Variants in CDKAL1 observed in about 807,000 individuals in gnomAD.
CDKAL1 encodes CDKAL1 threonylcarbamoyladenosine tRNA methylthiotransferase.
Under a neutral mutation model 68.2 loss-of-function variants are expected in CDKAL1, and 32 were observed. The observed-to-expected ratio is 0.47, with a 90% CI of 0.35 to 0.63. The LOEUF is 0.63. Among genes scored for constraint, CDKAL1 ranks in the 30% least tolerant of loss-of-function variants. CDKAL1 has a pLI of 0.00. For missense variants in CDKAL1, 606 were observed against 696.7 expected, an observed-to-expected ratio of 0.87 and a Z score of 1.47; for synonymous variants, 234 against 244.3, an observed-to-expected ratio of 0.96 and a Z score of 0.39.
intron 9 of CDKAL1, among the ~76,000 whole-genome samples, chr6:20,946,593 C>CTTTTT (rs11361870): frequency 2.2e-5 from 2 of 91,232 alleles, no homozygotes; most frequent in African/African-American, 4.1e-5. Context: ...CAATCCATAC[C>CTTTTT]TTTTTTTTTT....
chr6:20,998,949 G>T (rs571253997), intron 10 of CDKAL1, among the ~76,000 whole-genome samples: 1 of 152,198 alleles, frequency 6.6e-6, no homozygotes, highest in African/African-American at 2.4e-5. Context: ...TCAATGAAAA[G>T]AAAATGGAGA....
rs565878622 is a variant in CDKAL1, at chr6:20,957,501, GAGTGATAACA to G, written c.909+1920_909+1929del. Among the ~76,000 whole-genome samples, 5 of 152,278 alleles carry G rather than the reference GAGTGATAACA, an allele frequency of 3.3e-5. No individual in the cohort carries two copies. The South Asian group carries it at 1.0e-3, about 32-fold the overall frequency. On this transcript the variant is annotated intron_variant, in intron 10 of 15. Transcript: ENST00000274695. ...ATGTTTAGTTCCTAGATCGTAGTTG[GAGTGATAACA>G]AGTTTTGATGGTCATGACATTATAT...
chr6:20,723,878 C>T (rs1452253225), intron 5 of CDKAL1, among the ~76,000 whole-genome samples: 1 of 152,132 alleles, frequency 6.6e-6, no homozygotes, highest in African/African-American at 2.4e-5. Flanking sequence ...GCTAAGGAGA[C>T]ACCATTCCAG....
chr6:20,970,805 G>A (rs972754856), intron 10 of CDKAL1, among the ~76,000 whole-genome samples: 1 of 152,142 alleles, frequency 6.6e-6, no homozygotes, highest in Non-Finnish European at 1.5e-5. Flanking sequence ...TAGATAGACT[G>A]AATCTTGCCT....
At position 21,211,659 on chromosome 6, in the gene CDKAL1, A is replaced by G. The variant is rs142447387; in HGVS notation, c.1548+10385A>G. On this transcript the variant is annotated intron_variant, in intron 15 of 15. Coordinates refer to ENST00000274695, the MANE Select transcript of CDKAL1 (RefSeq NM_017774.3). ...CCAGAACATCCACATGGCCCTGTCT[A>G]ACTACAAGAGTCTAGAAAATACCTA... is the stretch of plus-strand genomic sequence containing the variant. 5.4e-3 allele frequency among the ~76,000 whole-genome samples: 824 copies of G among 152,334 alleles called. 4 individuals carry two copies. Among genetic ancestry groups the G allele is most frequent in the African/African-American group, 0.017 (724 of 41,576 alleles).
chr6:21,072,984 G>C lies in CDKAL1; in HGVS notation c.1236+7756G>C, dbSNP rs535643204. On this transcript the variant is annotated intron_variant, in intron 12 of 15. Transcript: ENST00000274695. ...CTCCAAAATCCTGTGTTCTCTGCTTGTTCATCCCTCTCTTCCCCAAACCCC... is the reference window on the plus strand; with the variant it reads ...CTCCAAAATCCTGTGTTCTCTGCTTCTTCATCCCTCTCTTCCCCAAACCCC... Among the ~76,000 whole-genome samples the C allele has an allele frequency of 2.6e-5, 4 of 152,136 alleles. No homozygotes were observed. The East Asian group carries it at 5.8e-4, about 22-fold the overall frequency.
chr6:20,825,273 A>G (rs4712555), intron 8 of CDKAL1, among the ~76,000 whole-genome samples: 46,930 of 151,806 alleles, frequency 0.31, 7,565 homozygotes, highest in East Asian at 0.53. Flanking sequence ...TATATGCTCT[A>G]TAATTGTGTG....
intron 13 of CDKAL1, among the ~76,000 whole-genome samples, chr6:21,142,776 A>G (rs1775983116): frequency 6.6e-6 from 1 of 152,252 alleles, no homozygotes; most frequent in South Asian, 2.1e-4. Context: ...TGCAAATTCA[A>G]GCAAGGCAAC....
At chr6:21,103,287 G>A (rs935566815) in intron 12 of CDKAL1, among the ~76,000 whole-genome samples, 25 of 152,160 alleles carry the variant, frequency 1.6e-4, no homozygotes, top group African/African-American at 4.8e-4. Context: ...ATTACATGCG[G>A]GGCCTCTTTC....
At chr6:20,750,291 A>G (rs973805666) in intron 6 of CDKAL1, among the ~76,000 whole-genome samples, 1 of 152,066 alleles carries the variant, frequency 6.6e-6, no homozygotes, top group Non-Finnish European at 1.5e-5. Context: ...GGCTGGTCTC[A>G]AACTCCTGGG....
intron 9 of CDKAL1, among the ~76,000 whole-genome samples, chr6:20,875,261 T>TGCAGTCC (rs1354536262): frequency 7.7e-6 from 1 of 129,684 alleles, no homozygotes; most frequent in African/African-American, 3.0e-5. Context: ...ATTGCGCCAC[T>TGCAGTCC]GCAGTCCGCA....
At chr6:20,808,654 G>A (rs556053727) in intron 8 of CDKAL1, among the ~76,000 whole-genome samples, 17 of 152,038 alleles carry the variant, frequency 1.1e-4, no homozygotes, top group Admixed American at 2.0e-4. Context: ...ACAGTTGGTT[G>A]AAACCAACTG....
intron 13 of CDKAL1, chr6:21,135,796 C>T (rs145155917): frequency 2.2e-5 from 14 of 623,930 alleles, no homozygotes; most frequent in African/African-American, 2.2e-4. Flanking sequence ...GCCAGTGCTC[C>T]GCTTCTCCAT....
At chr6:21,076,145 T>C (rs756012851) in intron 12 of CDKAL1, among the ~76,000 whole-genome samples, 1 of 152,174 alleles carries the variant, frequency 6.6e-6, no homozygotes, top group African/African-American at 2.4e-5. Flanking sequence ...AGGGACATTC[T>C]TGTGGGGGTT....
At chr6:21,158,104 A>C (rs771800148) in intron 13 of CDKAL1, among the ~76,000 whole-genome samples, 8 of 152,172 alleles carry the variant, frequency 5.3e-5, no homozygotes, top group Admixed American at 5.2e-4. Context: ...GATGCTTTAC[A>C]TGTGTTTATA....
chr6:20,973,870 G>T (rs1365302705), intron 10 of CDKAL1, among the ~76,000 whole-genome samples: 1 of 152,178 alleles, frequency 6.6e-6, no homozygotes, highest in East Asian at 1.9e-4. Flanking sequence ...CTCCCAAAGT[G>T]CTGGGATTAT....
chr6:20,813,049 T>A (rs1045844685), intron 8 of CDKAL1, among the ~76,000 whole-genome samples: 1 of 152,196 alleles, frequency 6.6e-6, no homozygotes, highest in Non-Finnish European at 1.5e-5. Context: ...CAATTTTAAT[T>A]TGGATTTCTT....
chr6:20,636,210 C>T (rs1488617983), intron 4 of CDKAL1, among the ~76,000 whole-genome samples: 1 of 152,064 alleles, frequency 6.6e-6, no homozygotes, highest in African/African-American at 2.4e-5. Context: ...CAGATCTCTT[C>T]CATTTAAAAT....
At chr6:20,613,245 CTTTCTTTTTTTTTTTTTTTT>C (rs1766717666) in intron 4 of CDKAL1, among the ~76,000 whole-genome samples, 1 of 67,390 alleles carries the variant, frequency 1.5e-5, no homozygotes, top group Non-Finnish European at 3.1e-5. Context: ...CACAAAATTT[CTTTCTTTTTTTTTTTTTTTT>C]TTTTTTTTTT....
Sources: allele counts gnomAD v4.1 joint callset (sites outside exome capture counted in the v4.1 genomes callset), GRCh38; gene constraint gnomAD v4.1.1; transcripts MANE v1.5; gene names NCBI Gene and HGNC (gene_info 2026-07-23, HGNC 2026-07-21).